FOCAD: variants seen among roughly 807,000 people sequenced by gnomAD.
FOCAD encodes KIAA1797.
In FOCAD, 198 loss-of-function variants were observed where a neutral mutation model predicts 225.6. The observed-to-expected ratio is 0.88, with a 90% confidence interval of 0.78 to 0.99. FOCAD has a LOEUF of 0.99. Among genes scored for constraint, FOCAD ranks in the 50% least tolerant of loss-of-function variants. The pLI, the probability that FOCAD is intolerant of heterozygous loss-of-function variation, is 0.00. For missense variants in FOCAD, 2,713 were observed against 2,123.6 expected, an observed-to-expected ratio of 1.28 and a Z score of -5.46; for synonymous variants, 897 against 755.0, an observed-to-expected ratio of 1.19 and a Z score of -3.08.
rs551998437 is a variant in FOCAD, at chr9:20,783,603, C to T, written c.1197+1674C>T. Among the ~76,000 whole-genome samples, 8 of 148,800 alleles carry T rather than the reference C, an allele frequency of 5.4e-5. No individual in the cohort carries two copies. The South Asian group carries it at 1.1e-3, about 20-fold the overall frequency. On this transcript the variant is annotated intron_variant, in intron 10 of 43. Coordinates refer to ENST00000338382, the MANE Select transcript of FOCAD (RefSeq NM_001375567.1). Reference sequence around the variant, plus strand: ...ATTGGATTTTTTTTTTTTTTTGAGACGGAGTCTCACTCTGCCACCTAGGCT... The same window carrying T: ...ATTGGATTTTTTTTTTTTTTTGAGATGGAGTCTCACTCTGCCACCTAGGCT...
chr9:20,978,765 T>A (rs1232291762), intron 37 of FOCAD, among the ~76,000 whole-genome samples: 1 of 152,246 alleles, frequency 6.6e-6, no homozygotes, highest in African/African-American at 2.4e-5. Context: ...TTATGTTTAT[T>A]TGATTATATA....
intron 35 of FOCAD, among the ~76,000 whole-genome samples, chr9:20,963,980 G>GAT (rs200953604): frequency 0.014 from 2,202 of 152,148 alleles, 59 homozygotes; most frequent in African/African-American, 0.051. Flanking sequence ...GTCAGTACCT[G>GAT]ATACCTAATA....
At chr9:20,924,263 T>C (rs1834737417) in intron 25 of FOCAD, among the ~76,000 whole-genome samples, 1 of 152,238 alleles carries the variant, frequency 6.6e-6, no homozygotes, top group Non-Finnish European at 1.5e-5. Flanking sequence ...TTCATATCTG[T>C]CTAAATAAAA....
chr9:20,884,000 G>A (rs1365168206), intron 20 of FOCAD, among the ~76,000 whole-genome samples: 1 of 152,194 alleles, frequency 6.6e-6, no homozygotes. Context: ...GGAGAAGAGG[G>A]AGAGTGAGTG....
chr9:20,944,833 C>T (rs112790845), intron 29 of FOCAD, 59 bp downstream of exon 29: 12 of 1,515,830 alleles, frequency 7.9e-6, no homozygotes, highest in Non-Finnish European at 1.1e-5. Context: ...CTTCTTGCCA[C>T]TTATTTTGGA....
rs915316217 is a variant in FOCAD, at chr9:20,951,097, T to G, written c.4050T>G (p.Ser1350=). ...STLSSSQSRA[S]VPTDYSYLPE... is the part of the protein sequence containing the mutation. ...TATCCTCAAGTCAAAGTAGAGCCTC[T>G]GGTAAGATTAAAGTCATAAAATACT... is the stretch of plus-strand genomic sequence containing the variant. Residue 1350 remains serine, a splice_region_variant and synonymous_variant, in exon 34 of 44, where the codon TCT becomes TCG. Transcript: ENST00000338382. 1 of 1,611,218 alleles carries G rather than the reference T, an allele frequency of 6.2e-7. No homozygotes were observed. The highest frequency in any genetic ancestry group is 8.5e-7 in the Non-Finnish European group (1 of 1,177,592).
intron 24 of FOCAD, among the ~76,000 whole-genome samples, 164 bp from the exon 25 acceptor site, chr9:20,923,496 G>T (rs1834644723): frequency 6.6e-6 from 1 of 152,126 alleles, no homozygotes; most frequent in Non-Finnish European, 1.5e-5. Context: ...TCAGAAGGAA[G>T]GAAAGAAACT....
At chr9:20,751,278 T>G (rs967853971) in intron 5 of FOCAD, among the ~76,000 whole-genome samples, 5 of 147,528 alleles carry the variant, frequency 3.4e-5, no homozygotes, top group African/African-American at 1.2e-4. Flanking sequence ...TCATCTAGCA[T>G]TAGGTATATC....
At chr9:20,926,068 CTAATTTGT>C (rs1834910960) in intron 25 of FOCAD, among the ~76,000 whole-genome samples, 3 of 152,170 alleles carry the variant, frequency 2.0e-5, no homozygotes, top group Non-Finnish European at 4.4e-5. Context: ...TCCTCTTCTG[CTAATTTGT>C]TCATAAAAGA....
intron 15 of FOCAD, among the ~76,000 whole-genome samples, chr9:20,846,019 G>T (rs1298342604): frequency 6.6e-6 from 1 of 152,066 alleles, no homozygotes; most frequent in Non-Finnish European, 1.5e-5. Context: ...CTTTCTATTA[G>T]TATGGACTTG....
intron 21 of FOCAD, among the ~76,000 whole-genome samples, chr9:20,898,408 G>C (rs1240578789): frequency 1.3e-5 from 2 of 151,172 alleles, no homozygotes; most frequent in African/African-American, 4.9e-5. Context: ...TAGATATTCT[G>C]TTTTCTTTGC....
At chr9:20,792,824 A>G (rs2131206875) in intron 11 of FOCAD, among the ~76,000 whole-genome samples, 3 of 152,308 alleles carry the variant, frequency 2.0e-5, no homozygotes, top group Middle Eastern at 6.8e-3. Context: ...GGTCTTTAAA[A>G]AGTCATATAT....
chr9:20,715,292 C>T, intron 1 of FOCAD, 30 bp from the exon 2 acceptor site: 1 of 1,106,662 alleles, frequency 9.0e-7, no homozygotes, highest in South Asian at 2.3e-5. Flanking sequence ...AGTTGGAAGA[C>T]TAACAAATAT....
intron 21 of FOCAD, among the ~76,000 whole-genome samples, chr9:20,892,345 G>A (rs998617242): frequency 2.0e-5 from 3 of 152,152 alleles, no homozygotes; most frequent in African/African-American, 7.2e-5. Context: ...TCCTCTGTTG[G>A]ATCTGGGAGA....
At chr9:20,861,171 C>T (rs1185901532) in intron 15 of FOCAD, among the ~76,000 whole-genome samples, 1 of 152,168 alleles carries the variant, frequency 6.6e-6, no homozygotes, top group Non-Finnish European at 1.5e-5. Context: ...AGTTTAAAGT[C>T]ATATCATATA....
intron 2 of FOCAD, among the ~76,000 whole-genome samples, chr9:20,666,972 CAAAA>C (rs748961281): frequency 6.6e-6 from 1 of 151,878 alleles, no homozygotes; most frequent in African/African-American, 2.4e-5. Flanking sequence ...AACAAACAAA[CAAAA>C]AAACCCACAA....
chr9:20,797,255 C>T (rs1821221437), intron 11 of FOCAD, among the ~76,000 whole-genome samples: 1 of 152,140 alleles, frequency 6.6e-6, no homozygotes, highest in Non-Finnish European at 1.5e-5. Flanking sequence ...TAGCATGATG[C>T]CTCCAGCTTT....
intron 28 of FOCAD, among the ~76,000 whole-genome samples, chr9:20,939,814 G>A (rs202238092): frequency 2.7e-5 from 4 of 147,546 alleles, no homozygotes; most frequent in East Asian, 4.0e-4. Flanking sequence ...CAGGTTTGTT[G>A]CATATGTATA....
intron 35 of FOCAD, among the ~76,000 whole-genome samples, chr9:20,967,237 T>G (rs1839347519): frequency 6.6e-6 from 1 of 152,150 alleles, no homozygotes; most frequent in South Asian, 2.1e-4. Flanking sequence ...GTCTTTACCC[T>G]TGGTGAAATC....
Sources: gnomAD v4.1 joint callset for allele counts (sites outside exome capture counted in the v4.1 genomes callset) on GRCh38, gnomAD v4.1.1 for gene constraint, MANE v1.5 for transcripts, NCBI Gene and HGNC (gene_info 2026-07-23, HGNC 2026-07-21) for gene names.